DOCK1: variants seen among roughly 807,000 people sequenced by gnomAD.
DOCK1 encodes the protein dedicator of cytokinesis protein 1.
A neutral mutation model predicts 262.7 loss-of-function variants in DOCK1; 138 were observed. The observed-to-expected ratio is 0.53, with a 90% CI of 0.46 to 0.61. The LOEUF is 0.61. Among genes scored for constraint, DOCK1 ranks in the 20% least tolerant of loss-of-function variants. The pLI, the probability that DOCK1 is intolerant of heterozygous loss-of-function variation, is 0.00. For missense variants in DOCK1, 1,908 were observed against 2,370.7 expected (o/e 0.80, Z 4.05); for synonymous variants, 866 against 867.4 (o/e 1.00, Z 0.03).
intron 23 of DOCK1, among the ~76,000 whole-genome samples, chr10:127,067,079 A>C (rs1251624989): frequency 6.6e-6 from 1 of 152,248 alleles, no homozygotes; most frequent in Admixed American, 6.5e-5. Flanking sequence ...GGAGCTTTCC[A>C]TCGAAGTGGA....
At chr10:126,975,628 CTT>C (rs79203184) in intron 2 of DOCK1, among the ~76,000 whole-genome samples, 139 of 143,108 alleles carry the variant, frequency 9.7e-4, no homozygotes, top group African/African-American at 3.1e-3. Context: ...TCTTTCTTTT[CTT>C]TTTTTTTTTT....
intron 27 of DOCK1, among the ~76,000 whole-genome samples, chr10:127,220,769 T>C (rs1258779313): frequency 2.7e-5 from 4 of 146,116 alleles, no homozygotes; most frequent in Non-Finnish European, 6.0e-5. Context: ...GAATTTGCCC[T>C]TTTTTTTTTC....
intron 38 of DOCK1, among the ~76,000 whole-genome samples, chr10:127,392,780 C>A (rs1227126388): frequency 6.6e-6 from 1 of 152,188 alleles, no homozygotes; most frequent in African/African-American, 2.4e-5. Flanking sequence ...AGATCCCACC[C>A]CACTCTGCCA....
rs561108791 is a variant in DOCK1, at chr10:127,254,298, C to T, written c.2950-3037C>T. On this transcript the variant is annotated intron_variant, in intron 28 of 51. Transcript: ENST00000623213. ...TTTTTTGAAGAGACCAATCCATTAGCTTTTGTAGACTATCTCCCATTCTGG... is the reference window on the plus strand; with the variant it reads ...TTTTTTGAAGAGACCAATCCATTAGTTTTTGTAGACTATCTCCCATTCTGG... 1.1e-4 allele frequency among the ~76,000 whole-genome samples: 17 copies of T among 152,314 alleles called. No homozygotes were observed. In the East Asian group the frequency reaches 3.3e-3, roughly 29 times the overall value.
intron 27 of DOCK1, among the ~76,000 whole-genome samples, chr10:127,191,570 CAT>C (rs1433059844): frequency 6.6e-6 from 1 of 152,048 alleles, no homozygotes; most frequent in Non-Finnish European, 1.5e-5. Context: ...ACTAAGTACA[CAT>C]AGAAAAGATT....
chr10:126,946,576 G>A (rs1045458273), intron 1 of DOCK1, among the ~76,000 whole-genome samples: 45 of 152,012 alleles, frequency 3.0e-4, no homozygotes, highest in Non-Finnish European at 8.8e-5. Context: ...TCCATTCCCT[G>A]TCCCCTCAGC....
chr10:126,939,986 G>A (rs1478015388), intron 1 of DOCK1, among the ~76,000 whole-genome samples: 1 of 152,172 alleles, frequency 6.6e-6, no homozygotes, highest in Non-Finnish European at 1.5e-5. Context: ...CCCTGAGTTG[G>A]GGCTGGCATT....
intron 37 of DOCK1, among the ~76,000 whole-genome samples, chr10:127,383,063 C>T (rs1313629312): frequency 6.6e-6 from 1 of 152,196 alleles, no homozygotes; most frequent in African/African-American, 2.4e-5. Flanking sequence ...TCATGCTAAT[C>T]ACCTCACTAA....
intron 35 of DOCK1, among the ~76,000 whole-genome samples, chr10:127,377,711 G>T (rs184612615): frequency 3.6e-4 from 54 of 152,076 alleles, no homozygotes; most frequent in African/African-American, 1.2e-3. Flanking sequence ...GGCCAACATG[G>T]TAAAACCCCA....
intron 6 of DOCK1, among the ~76,000 whole-genome samples, chr10:126,994,208 T>A (rs2040003805): frequency 6.6e-6 from 1 of 152,242 alleles, no homozygotes; most frequent in Non-Finnish European, 1.5e-5. Context: ...GTTACACAGT[T>A]GTCTGTGTTC....
intron 1 of DOCK1, among the ~76,000 whole-genome samples, chr10:126,949,691 A>G (rs1007776335): frequency 1.3e-5 from 2 of 152,174 alleles, no homozygotes; most frequent in Non-Finnish European, 2.9e-5. Context: ...AAGGATCTGG[A>G]GGGGAAAAGT....
chr10:127,399,955 G>A (rs1030811435), intron 38 of DOCK1, among the ~76,000 whole-genome samples: 50 of 152,148 alleles, frequency 3.3e-4, no homozygotes, highest in African/African-American at 1.2e-3. Flanking sequence ...CCAGGAATGG[G>A]AGGCAACTTT....
chr10:126,915,435 G>GA (rs1236404322), intron 1 of DOCK1, among the ~76,000 whole-genome samples: 1 of 149,600 alleles, frequency 6.7e-6, no homozygotes, highest in Admixed American at 6.7e-5. Context: ...GGGGGCGGGG[G>GA]GGGGATGGAG....
At chr10:127,190,567 T>C (rs1238235298) in intron 27 of DOCK1, among the ~76,000 whole-genome samples, 1 of 150,690 alleles carries the variant, frequency 6.6e-6, no homozygotes, top group Non-Finnish European at 1.5e-5. Flanking sequence ...GTATTTCTTG[T>C]GGACATTCTA....
Position 126,963,639 on chromosome 10 carries a change from C to CTT in DOCK1, c.47-7063_47-7062insTT, listed in dbSNP as rs2037433789. Among the ~76,000 whole-genome samples the CTT allele has an allele frequency of 6.3e-4, 58 of 92,242 alleles. 1 individual carries two copies. The highest frequency in any genetic ancestry group is 3.1e-3 in the African/African-American group (57 of 18,430). The allele number at this position is 92,242 out of a possible 152,430, so 60.5% of individuals were successfully genotyped here. On this transcript the variant is annotated intron_variant, in intron 1 of 51. Transcript: ENST00000623213. ...CCTTCCCTTCCCTTCCCTTCCCTTC[C>CTT]CTCCTTCCTTCCTTCCTTCCTTCCT...
At chr10:127,312,083 A>T (rs2062083268) in intron 29 of DOCK1, among the ~76,000 whole-genome samples, 1 of 151,938 alleles carries the variant, frequency 6.6e-6, no homozygotes, top group South Asian at 2.1e-4. Flanking sequence ...CAGGCTGACA[A>T]CATATATTCT....
chr10:127,267,811 G>A (rs2060419284), intron 29 of DOCK1, among the ~76,000 whole-genome samples: 1 of 152,184 alleles, frequency 6.6e-6, no homozygotes, highest in Non-Finnish European at 1.5e-5. Flanking sequence ...GTCCTCTCAT[G>A]CTAAGTTTTA....
intron 1 of DOCK1, among the ~76,000 whole-genome samples, chr10:126,937,587 T>G (rs1449624470): frequency 6.6e-6 from 1 of 152,090 alleles, no homozygotes; most frequent in African/African-American, 2.4e-5. Context: ...TCCTTTTGAT[T>G]TTCATTTTCT....
chr10:127,143,844 G>T (rs1392437455), intron 27 of DOCK1, among the ~76,000 whole-genome samples: 1 of 152,190 alleles, frequency 6.6e-6, no homozygotes, highest in Non-Finnish European at 1.5e-5. Flanking sequence ...AATATTTGTT[G>T]TTCTCTTCTG....
Sources: gnomAD v4.1 joint callset for allele counts (sites outside exome capture counted in the v4.1 genomes callset) on GRCh38, gnomAD v4.1.1 for gene constraint, MANE v1.5 for transcripts, NCBI Gene and HGNC (gene_info 2026-07-23, HGNC 2026-07-21) for gene names.